The following AGAP9 variants were observed in gnomAD, a reference collection of about 807,000 sequenced individuals.
AGAP9 encodes ArfGAP with GTPase domain, ankyrin repeat and PH domain 9, also known as arf-GAP with GTPase, ANK repeat and PH domain-containing protein 9.
In AGAP9, 23 loss-of-function variants were observed where a neutral mutation model predicts 55.6. The observed-to-expected ratio is 0.41, with a 90% CI of 0.30 to 0.59. The LOEUF (loss-of-function observed/expected upper bound fraction) is 0.59. Ranked by LOEUF, AGAP9 falls within the 20% of genes least tolerant of loss-of-function variation. The pLI, the probability that AGAP9 is intolerant of heterozygous loss-of-function variation, is 0.25. For synonymous variants in AGAP9, 120 were observed against 305.0 expected, an observed-to-expected ratio of 0.39 and a Z score of 6.32; for missense variants, 309 against 808.1, an observed-to-expected ratio of 0.38 and a Z score of 7.49.
rs1215347083 is a variant in AGAP9 at position 47,502,146 on chromosome 10, C to A, written c.*6G>T. 1 of 1,569,586 alleles carries A rather than the reference C, an allele frequency of 6.4e-7. No homozygotes were observed. The highest frequency in any genetic ancestry group is 8.7e-7 in the Non-Finnish European group (1 of 1,155,162). On this transcript the variant is annotated 3_prime_UTR_variant, in exon 8 of 8. Coordinates refer to ENST00000452145, the MANE Select transcript of AGAP9 (RefSeq NM_001190810.1). ...CACTCCTGGCTGGAGGCCTGCCGGG[C>A]GTAGGTCAGCGCTGTGTTCCCGTGG...
chr10:47,502,400 G>A lies in AGAP9; in HGVS notation c.1729C>T (p.Leu577=), dbSNP rs1484836557. 3.8e-3 allele frequency: 6,146 copies of A among 1,610,206 alleles called. 221 individuals are homozygous for A. The African/African-American group carries it at 0.067, about 18-fold the overall frequency. ...AGCTCAGTGCAGGGTAGTGGGGCCAGAAAGAGCTTCTCCTCATATTTGGAA... is the reference window on the plus strand; with the variant it reads ...AGCTCAGTGCAGGGTAGTGGGGCCAAAAAGAGCTTCTCCTCATATTTGGAA... ...IRSKYEEKLF[L]APLPCTELSL... The change falls in exon 8 of 8, where the codon CTG becomes TTG. Residue 577 remains leucine (L), a synonymous_variant. Coordinates refer to ENST00000452145, the MANE Select transcript of AGAP9 (RefSeq NM_001190810.1).
At position 47,503,280 on chromosome 10, in the gene AGAP9, G is replaced by C; in HGVS notation, c.849C>G (p.Pro283=). 6 of 1,577,242 alleles carry C rather than the reference G, an allele frequency of 3.8e-6. 1 individual carries two copies. Among genetic ancestry groups the C allele is most frequent in the Non-Finnish European group, 5.2e-6 (6 of 1,158,958 alleles). ...ADTIGSGRAI[P]IKQGMLLKRS... ...GCTTTAAGAGCATGCCCTGTTTAAT[G>C]GGGATGGCTCTGCCGCTCCCGATGG... The change falls in exon 8 of 8, where the codon CCC becomes CCG. Residue 283 remains proline (P), a synonymous_variant. Coordinates refer to ENST00000452145, the MANE Select transcript of AGAP9 (RefSeq NM_001190810.1).
rs1340701533 is a variant in AGAP9, at chr10:47,514,222, C to T, written c.396+3601G>A. Among the ~76,000 whole-genome samples, 8 of 147,182 alleles carry T rather than the reference C, an allele frequency of 5.4e-5. 1 individual carries two copies. Among genetic ancestry groups the T allele is most frequent in the South Asian group, 2.1e-4 (1 of 4,662 alleles). On this transcript the variant is annotated intron_variant, in intron 4 of 7. Coordinates refer to ENST00000452145, the MANE Select transcript of AGAP9 (RefSeq NM_001190810.1). ...GCCCAAATGCCCATCAGTCAATGAGCGGATAAAGAAACTGTGATATACATA... is the reference window on the plus strand; with the variant it reads ...GCCCAAATGCCCATCAGTCAATGAGTGGATAAAGAAACTGTGATATACATA...
intron 4 of AGAP9, among the ~76,000 whole-genome samples, chr10:47,512,380 AT>A (rs1359544321): frequency 7.2e-6 from 1 of 138,682 alleles, no homozygotes; most frequent in African/African-American, 2.6e-5. Context: ...GGTTAGGTCT[AT>A]TCCGAAGTAC....
At position 47,511,370 on chromosome 10, in the gene AGAP9, G is replaced by A. The variant is rs1312755946; in HGVS notation, c.397-1099C>T. On this transcript the variant is annotated intron_variant, in intron 4 of 7. Transcript: ENST00000452145. ...ACTAATCCTAAACGTATTATTTCAG[G>A]TGATATTGTTACAAAAGAAGTGTTT... 2.1e-5 allele frequency among the ~76,000 whole-genome samples: 3 copies of A among 140,992 alleles called. 1 individual carries two copies. Among genetic ancestry groups the A allele is most frequent in the Non-Finnish European group, 4.6e-5 (3 of 65,220 alleles). 92.5% of individuals were successfully genotyped at this position (140,992 alleles called of 152,430 possible). A position where few individuals can be genotyped will look rare whatever the true frequency, so the allele number is the denominator to read the frequency against.
intron 5 of AGAP9, among the ~76,000 whole-genome samples, chr10:47,508,072 G>C (rs1337348854): frequency 7.5e-6 from 1 of 134,008 alleles, no homozygotes; most frequent in Non-Finnish European, 1.6e-5. Context: ...TTTTTTTTTT[G>C]GGGGGGTGGT....
In AGAP9 at chr10:47,502,159, T is replaced by C. The variant is rs1840363236; in HGVS notation, c.1970A>G (p.Gln657Arg). The C allele has an allele frequency of 5.8e-5, 90 of 1,563,810 alleles. 16 individuals are homozygous for C. Among genetic ancestry groups the C allele is most frequent in the Non-Finnish European group, 7.8e-5 (90 of 1,152,254 alleles). ...AGGCCTGCCGGGCGTAGGTCAGCGC[T>C]GTGTTCCCGTGGGCATCTCGGGCCA... ...TSWPEMPTGTQR is the reference protein window; with the variant it reads ...TSWPEMPTGTRR The change falls in exon 8 of 8, where the codon CAG becomes CGG. Residue 657 changes from glutamine to arginine, a missense_variant. Physicochemically the swap from Gln to Arg is conservative, Grantham distance 43. Transcript: ENST00000452145.
Position 47,502,011 on chromosome 10 carries a change from A to C in AGAP9, c.*141T>G. The C allele has an allele frequency of 7.3e-7, 1 of 1,378,550 alleles. No individual in the cohort carries two copies. Among genetic ancestry groups the C allele is most frequent in the Non-Finnish European group, 9.9e-7 (1 of 1,005,212 alleles). 85.4% of individuals were successfully genotyped at this position (1,378,550 alleles called of 1,614,324 possible). A position where few individuals can be genotyped will look rare whatever the true frequency, so the allele number is the denominator to read the frequency against. ...TTTGTGATTTCCTTTTGAAATTCTG[A>C]GTTATCCTTATTTTTCCCATTTTGT... On this transcript the variant is annotated 3_prime_UTR_variant, in exon 8 of 8. Transcript: ENST00000452145.
At chr10:47,504,846 CTTTT>C (rs59529030) in intron 6 of AGAP9, among the ~76,000 whole-genome samples, 43 of 46,824 alleles carry the variant, frequency 9.2e-4, no homozygotes, top group Middle Eastern at 0.014. Context: ...CATAACTGTT[CTTTT>C]TTTTTTTTTT....
At chr10:47,504,927 GC>G (rs1703796985) in intron 6 of AGAP9, among the ~76,000 whole-genome samples, 1 of 147,318 alleles carries the variant, frequency 6.8e-6, no homozygotes, top group African/African-American at 2.5e-5. Context: ...TGCGATCTCG[GC>G]TCATGGCAAC....
chr10:47,509,171 T>C (rs1248515204), intron 5 of AGAP9, among the ~76,000 whole-genome samples: 1 of 131,970 alleles, frequency 7.6e-6, no homozygotes, highest in Admixed American at 7.6e-5. Context: ...AAAGCTGCTT[T>C]TGAATTATAT....
At chr10:47,513,094 C>A (rs1356373584) in intron 4 of AGAP9, among the ~76,000 whole-genome samples, 2 of 144,818 alleles carry the variant, frequency 1.4e-5, no homozygotes, top group African/African-American at 5.2e-5. Context: ...GTATGCAATG[C>A]GGTGATCTTG....
chr10:47,511,176 C>T lies in AGAP9; in HGVS notation c.397-905G>A, dbSNP rs1306624402. Among the ~76,000 whole-genome samples the T allele has an allele frequency of 2.2e-5, 3 of 135,584 alleles. 1 individual carries two copies. The East Asian group carries it at 8.8e-4, about 40-fold the overall frequency. The allele number at this position is 135,584 out of a possible 152,430, so 88.9% of individuals were successfully genotyped here. ...GCCAGGATGGTCTCGATCTCCTCAC[C>T]TCGTGATCTGCCTGCCTCAGCCTCC... On this transcript the variant is annotated intron_variant, in intron 4 of 7. Coordinates refer to ENST00000452145, the MANE Select transcript of AGAP9 (RefSeq NM_001190810.1).
intron 2 of AGAP9, among the ~76,000 whole-genome samples, chr10:47,521,262 G>A (rs1840827185): frequency 7.4e-6 from 1 of 135,986 alleles, no homozygotes; most frequent in African/African-American, 2.9e-5. Flanking sequence ...TCTACTAACT[G>A]GTGTGTAACA....
chr10:47,518,558 C>T (rs1398307164), intron 3 of AGAP9, among the ~76,000 whole-genome samples: 7 of 126,306 alleles, frequency 5.5e-5, no homozygotes, highest in African/African-American at 1.6e-4. Flanking sequence ...ACTACAGGCA[C>T]GTGCCACCAT....
Position 47,506,589 on chromosome 10 carries a change from C to T in AGAP9, c.533+959G>A, listed in dbSNP as rs1840483422. Among the ~76,000 whole-genome samples, 7 of 142,792 alleles carry T rather than the reference C, an allele frequency of 4.9e-5. 2 individuals are homozygous for T. In the South Asian group the frequency reaches 1.6e-3, roughly 32 times the overall value. 93.7% of individuals were successfully genotyped at this position (142,792 alleles called of 152,430 possible). ...AAGTGATCCACCCACCTTGGCCTCC[C>T]AAAATGCTGGGATTACAGGTGTGAA... is the stretch of plus-strand genomic sequence containing the variant. On this transcript the variant is annotated intron_variant, in intron 6 of 7. Coordinates refer to ENST00000452145, the MANE Select transcript of AGAP9 (RefSeq NM_001190810.1).
chr10:47,502,469 G>A lies in AGAP9; in HGVS notation c.1660C>T (p.Pro554Ser). The change falls in exon 8 of 8, where the codon CCC becomes TCC. Residue 554 changes from proline (P) to serine (S), a missense_variant. Pro to Ser is a moderately conservative substitution (Grantham distance 74, BLOSUM62 -1). Coordinates refer to ENST00000452145, the MANE Select transcript of AGAP9 (RefSeq NM_001190810.1). ...WEGSSQGQTK[P>S]SIKSTREEKE... The stretch of plus-strand genomic sequence containing the variant: ...TCTTCCCTCGTGGACTTTATTGAGG[G>A]TTTTGTCTGCCCCTGGCTGCTCCCT... 6.2e-7 allele frequency: 1 copy of A among 1,612,944 alleles called. No individual in the cohort carries two copies. Among genetic ancestry groups the A allele is most frequent in the Non-Finnish European group, 8.5e-7 (1 of 1,179,952 alleles).
At chr10:47,521,418 T>C (rs1422156666) in intron 2 of AGAP9, among the ~76,000 whole-genome samples, 2 of 140,306 alleles carry the variant, frequency 1.4e-5, no homozygotes, top group African/African-American at 5.3e-5. Context: ...AATGTGAAGA[T>C]AGTACTTCCA....
At chr10:47,522,466 C>T in intron 2 of AGAP9, among the ~76,000 whole-genome samples, 2 of 150,770 alleles carry the variant, frequency 1.3e-5, no homozygotes, top group Non-Finnish European at 2.9e-5. Context: ...ATACCTTTCA[C>T]AATTATTTTA....
Sources: gnomAD v4.1 joint callset for allele counts (sites outside exome capture counted in the v4.1 genomes callset) on GRCh38, gnomAD v4.1.1 for gene constraint, MANE v1.5 for transcripts, NCBI Gene and HGNC (gene_info 2026-07-23, HGNC 2026-07-21) for gene names.